CELF2: variants seen among roughly 807,000 people sequenced by gnomAD.
CELF2 encodes CUGBP Elav-like family member 2, also known as CUG triplet repeat RNA-binding protein 2.
Under a neutral mutation model 62.6 loss-of-function variants are expected in CELF2, and 8 were observed. That is an observed-to-expected ratio of 0.13 (90% CI 0.07 to 0.23). The LOEUF is 0.23. Among genes scored for constraint, CELF2 ranks in the 10% least tolerant of loss-of-function variants. The probability of loss-of-function intolerance (pLI) is 1.00; values close to 1 mark genes in which losing one functional copy is unlikely to be tolerated. For synonymous variants in CELF2, 258 were observed against 250.0 expected, an observed-to-expected ratio of 1.03 and a Z score of -0.30; for missense variants, 333 against 671.0, an observed-to-expected ratio of 0.50 and a Z score of 5.56.
At chr10:10,740,718 T>C in the CELF2 span, among the ~76,000 whole-genome samples, 6 of 152,244 alleles carry the variant, frequency 3.9e-5, no homozygotes, top group Non-Finnish European at 1.5e-5. Context: ...TATGTATGTA[T>C]ATATCATACA....
At chr10:11,183,168 T>A (rs977819411) in intron 2 of CELF2, among the ~76,000 whole-genome samples, 1 of 152,204 alleles carries the variant, frequency 6.6e-6, no homozygotes, top group African/African-American at 2.4e-5. Flanking sequence ...TGACCTACTT[T>A]CTGTTGTATG....
chr10:10,736,445 A>G, the CELF2 span, among the ~76,000 whole-genome samples: 2 of 134,568 alleles, frequency 1.5e-5, no homozygotes, highest in Non-Finnish European at 3.1e-5. Context: ...ACTTGATTAC[A>G]GAGAGGTATC....
At chr10:11,028,429 T>C (rs1225579675) in intron 1 of CELF2, among the ~76,000 whole-genome samples, 21 of 145,188 alleles carry the variant, frequency 1.4e-4, no homozygotes, top group African/African-American at 4.4e-4. Flanking sequence ...TTTCTTTTTT[T>C]TTTTTTTTGA....
At chr10:10,984,765 A>T (rs1282975690) in intron 2 of CELF2, among the ~76,000 whole-genome samples, 7 of 152,214 alleles carry the variant, frequency 4.6e-5, no homozygotes, top group Admixed American at 3.9e-4. Flanking sequence ...TAGCATATTT[A>T]AAATATTATT....
intron 2 of CELF2, among the ~76,000 whole-genome samples, chr10:11,182,408 C>T (rs1429530892): frequency 6.6e-6 from 1 of 152,180 alleles, no homozygotes; most frequent in African/African-American, 2.4e-5. Context: ...GCTATGAAAA[C>T]TCCACTTAGC....
the CELF2 span, among the ~76,000 whole-genome samples, chr10:10,697,317 C>G: frequency 6.6e-6 from 1 of 152,082 alleles, no homozygotes; most frequent in Non-Finnish European, 1.5e-5. Context: ...GATACATTAC[C>G]AAAGCAGCTC....
At chr10:10,877,047 A>G (rs1358786041) in intron 1 of CELF2, among the ~76,000 whole-genome samples, 2 of 152,210 alleles carry the variant, frequency 1.3e-5, no homozygotes, top group African/African-American at 2.4e-5. Flanking sequence ...CAAGAGTCCT[A>G]TTGCAGGAGG....
In CELF2 at chr10:11,268,245, TCTTTA is replaced by T. The variant is rs2138468382; in HGVS notation, c.618+1572_618+1576del. Reference sequence around the variant, plus strand: ...GGGGCAAAAAAATAAAAAAGAAAACTCTTTACTTGTATTATCTTCCATATACGCGT... The same window carrying T: ...GGGGCAAAAAAATAAAAAAGAAAACTCTTGTATTATCTTCCATATACGCGT... On this transcript the variant is annotated intron_variant, in intron 6 of 12. Transcript: ENST00000633077. The surrounding 1 kb of genome is among the most constrained non-coding windows in gnomAD (Gnocchi z 4.7). Among the ~76,000 whole-genome samples, 1 of 152,350 alleles carries T rather than the reference TCTTTA, an allele frequency of 6.6e-6. No homozygotes were observed. The highest frequency in any genetic ancestry group is 2.4e-5 in the African/African-American group (1 of 41,574).
chr10:10,775,985 C>A, the CELF2 span, among the ~76,000 whole-genome samples: 1 of 152,328 alleles, frequency 6.6e-6, no homozygotes, highest in East Asian at 1.9e-4. Context: ...GCTGGGCCTG[C>A]CCAATGTGTT....
chr10:10,897,740 G>A (rs1052095695), intron 1 of CELF2, among the ~76,000 whole-genome samples: 9 of 152,176 alleles, frequency 5.9e-5, no homozygotes, highest in Non-Finnish European at 1.2e-4. Context: ...AGCTTTCTGA[G>A]AGCATTATAT....
chr10:11,006,257 T>C (rs2055240166), intron 1 of CELF2, among the ~76,000 whole-genome samples: 1 of 152,238 alleles, frequency 6.6e-6, no homozygotes, highest in South Asian at 2.1e-4. Context: ...TTTTTTTCTT[T>C]TTCAACACCC....
intron 1 of CELF2, among the ~76,000 whole-genome samples, chr10:11,049,151 TA>T (rs895546385): frequency 6.0e-4 from 90 of 149,026 alleles, no homozygotes; most frequent in African/African-American, 1.6e-3. Flanking sequence ...TTTCCTTGCT[TA>T]AAAAAAAAAT....
At chr10:11,233,989 G>T (rs1190237685) in intron 3 of CELF2, among the ~76,000 whole-genome samples, 1 of 152,164 alleles carries the variant, frequency 6.6e-6, no homozygotes. Flanking sequence ...AGAAAAATCA[G>T]ATGTGACTGC....
intron 3 of CELF2, among the ~76,000 whole-genome samples, chr10:11,229,947 G>T (rs777854259): frequency 6.6e-6 from 1 of 152,156 alleles, no homozygotes; most frequent in African/African-American, 2.4e-5. Flanking sequence ...TAGAACTTCT[G>T]TTAAGAGAAT....
the CELF2 span, among the ~76,000 whole-genome samples, chr10:10,522,476 C>T: frequency 4.6e-5 from 7 of 152,222 alleles, no homozygotes; most frequent in South Asian, 2.1e-4. Flanking sequence ...TCACAGAGCA[C>T]GTACCATCTA....
the CELF2 span, among the ~76,000 whole-genome samples, chr10:10,594,665 G>C: frequency 1.3e-5 from 2 of 152,180 alleles, no homozygotes; most frequent in Non-Finnish European, 2.9e-5. Context: ...ACAGAACCAA[G>C]AATTTGCTCA....
chr10:10,673,616 G>A, the CELF2 span, among the ~76,000 whole-genome samples: 1 of 151,964 alleles, frequency 6.6e-6, no homozygotes. Context: ...GTTTCTTACA[G>A]TAGAAGCTGA....
the CELF2 span, among the ~76,000 whole-genome samples, chr10:10,472,448 G>A: frequency 2.0e-5 from 3 of 151,706 alleles, no homozygotes; most frequent in South Asian, 6.3e-4. Flanking sequence ...TTAATTCTCT[G>A]GAGGTTCTCT....
the CELF2 span, among the ~76,000 whole-genome samples, chr10:10,560,002 G>A: frequency 2.0e-5 from 3 of 152,178 alleles, no homozygotes; most frequent in African/African-American, 7.2e-5. Context: ...TGCAGGGCTT[G>A]AGGCTGGCTT....
Sources: allele counts gnomAD v4.1 joint callset (sites outside exome capture counted in the v4.1 genomes callset), GRCh38; gene constraint gnomAD v4.1.1; non-coding constraint Gnocchi (gnomAD v3.1); transcripts MANE v1.5; gene names NCBI Gene and HGNC (gene_info 2026-07-23, HGNC 2026-07-21).